The following MGMT variants were observed in gnomAD, a reference collection of about 807,000 sequenced individuals.
MGMT encodes the protein methylated-DNA--protein-cysteine methyltransferase.
In MGMT, 14 loss-of-function variants were observed where a neutral mutation model predicts 15.9. The observed-to-expected ratio is 0.88, with a 90% CI of 0.58 to 1.37. MGMT has a LOEUF of 1.37. Among genes scored for constraint, MGMT ranks in the 40% most tolerant of loss-of-function variants. MGMT has a pLI of 0.00. For synonymous variants in MGMT, 130 were observed against 118.2 expected, an observed-to-expected ratio of 1.10 and a Z score of -0.65; for missense variants, 282 against 268.1, an observed-to-expected ratio of 1.05 and a Z score of -0.36.
chr10:129,540,356 G>T (rs531852714), intron 2 of MGMT, among the ~76,000 whole-genome samples: 7 of 152,142 alleles, frequency 4.6e-5, no homozygotes, highest in Non-Finnish European at 8.8e-5. Context: ...CTTTCTGATT[G>T]TTATGCTTTA....
intron 2 of MGMT, among the ~76,000 whole-genome samples, chr10:129,661,367 C>A (rs1396572551): frequency 8.5e-5 from 13 of 152,102 alleles, no homozygotes; most frequent in Non-Finnish European, 1.9e-4. Context: ...GCCCAGACCC[C>A]CCTCATAAGG....
Position 129,770,852 on chromosome 10 carries a change from C to T in MGMT, c.*3855C>T, listed in dbSNP as rs751679751. ...GTTGCCATCGGGGCAGTGGAGTCCC[C>T]GGAAACAGTCCAAGGCCCTGGGGTG... On this transcript the variant is annotated 3_prime_UTR_variant, in exon 5 of 5. Coordinates refer to ENST00000651593, the MANE Select transcript of MGMT (RefSeq NM_002412.5). Among the ~76,000 whole-genome samples the T allele has an allele frequency of 1.4e-5, 2 of 147,038 alleles. No homozygotes were observed. Among genetic ancestry groups the T allele is most frequent in the Admixed American group, 6.9e-5 (1 of 14,566 alleles).
chr10:129,742,925 C>T (rs145418810), intron 3 of MGMT, among the ~76,000 whole-genome samples: 2 of 152,204 alleles, frequency 1.3e-5, no homozygotes, highest in Non-Finnish European at 2.9e-5. Flanking sequence ...ACCGCAGCTG[C>T]CCATGCTCAG....
chr10:129,509,577 G>C (rs12257003), intron 1 of MGMT, among the ~76,000 whole-genome samples: 2 of 152,154 alleles, frequency 1.3e-5, no homozygotes, highest in Admixed American at 1.3e-4. Context: ...TAAATCTTGA[G>C]TTAAAATTCT....
chr10:129,738,561 G>A (rs188400392), intron 3 of MGMT, among the ~76,000 whole-genome samples: 73 of 152,270 alleles, frequency 4.8e-4, no homozygotes, highest in African/African-American at 1.6e-3. Flanking sequence ...GTTCCTATTC[G>A]GCCATCTTGG....
intron 2 of MGMT, among the ~76,000 whole-genome samples, chr10:129,622,600 G>T (rs990610799): frequency 2.0e-5 from 3 of 152,198 alleles, no homozygotes; most frequent in Non-Finnish European, 4.4e-5. Flanking sequence ...ATCAATTGCT[G>T]ATCTCAGAAA....
At chr10:129,573,974 A>C (rs962170624) in intron 2 of MGMT, among the ~76,000 whole-genome samples, 1 of 152,264 alleles carries the variant, frequency 6.6e-6, no homozygotes, top group African/African-American at 2.4e-5. Context: ...GATCTAACCC[A>C]ATACTTCATA....
chr10:129,703,965 G>C (rs1478303109), intron 2 of MGMT, among the ~76,000 whole-genome samples: 1 of 152,082 alleles, frequency 6.6e-6, no homozygotes, highest in Non-Finnish European at 1.5e-5. Flanking sequence ...GTTGACAGCA[G>C]CCAGCTCTGC....
chr10:129,758,736 G>A (rs1848835555), intron 3 of MGMT, among the ~76,000 whole-genome samples: 2 of 152,206 alleles, frequency 1.3e-5, no homozygotes, highest in African/African-American at 4.8e-5. Flanking sequence ...GCTGGAGGTG[G>A]ACAGCCGGCA....
At chr10:129,562,020 T>C (rs1374519475) in intron 2 of MGMT, among the ~76,000 whole-genome samples, 1 of 152,146 alleles carries the variant, frequency 6.6e-6, no homozygotes, top group Non-Finnish European at 1.5e-5. Context: ...TAGGAACAGC[T>C]TAGCATGCAG....
At chr10:129,672,575 C>T (rs559316384) in intron 2 of MGMT, among the ~76,000 whole-genome samples, 1 of 152,294 alleles carries the variant, frequency 6.6e-6, no homozygotes, top group Admixed American at 6.5e-5. Context: ...CTTCTGATCG[C>T]TCTAACAGTT....
intron 3 of MGMT, among the ~76,000 whole-genome samples, chr10:129,730,136 C>T (rs1848479543): frequency 6.6e-6 from 1 of 152,182 alleles, no homozygotes. Context: ...ATAGGAGTTC[C>T]TGTACTGGCT....
chr10:129,644,513 C>T (rs1564746447), intron 2 of MGMT, among the ~76,000 whole-genome samples: 1 of 152,138 alleles, frequency 6.6e-6, no homozygotes, highest in Non-Finnish European at 1.5e-5. Context: ...GAAGGGGTCC[C>T]ACTGCAAAGG....
intron 2 of MGMT, among the ~76,000 whole-genome samples, chr10:129,677,542 A>C (rs1036480927): frequency 6.6e-6 from 1 of 152,126 alleles, no homozygotes; most frequent in African/African-American, 2.4e-5. Flanking sequence ...GAAAAATCCC[A>C]TGTAACCTGG....
In MGMT at chr10:129,607,553, G is replaced by A. The variant is rs565239961; in HGVS notation, c.125+71176G>A. Among the ~76,000 whole-genome samples the A allele has an allele frequency of 1.6e-4, 25 of 152,272 alleles. No homozygotes were observed. The East Asian group carries it at 1.9e-3, about 12-fold the overall frequency. ...GTGCCGCACAGCATGTCATGTCCAC[G>A]TTAGCATTTCTGCCCTTTTAAAGGG... is the stretch of plus-strand genomic sequence containing the variant. On this transcript the variant is annotated intron_variant, in intron 2 of 4. Coordinates refer to ENST00000651593, the MANE Select transcript of MGMT (RefSeq NM_002412.5).
intron 2 of MGMT, among the ~76,000 whole-genome samples, chr10:129,649,083 A>G (rs1307694116): frequency 3.3e-5 from 5 of 152,174 alleles, no homozygotes; most frequent in Non-Finnish European, 5.9e-5. Context: ...CTGCCCTTCA[A>G]TAGAACACTC....
intron 2 of MGMT, among the ~76,000 whole-genome samples, chr10:129,588,541 C>G (rs759720177): frequency 6.6e-6 from 1 of 152,282 alleles, no homozygotes; most frequent in South Asian, 2.1e-4. Context: ...CCCACTCGCA[C>G]GCATGCATCC....
At chr10:129,700,963 G>A (rs1304094836) in intron 2 of MGMT, 1 of 152,220 alleles carries the variant, frequency 6.6e-6, no homozygotes, top group Non-Finnish European at 1.5e-5. Flanking sequence ...CCCGGAGTCT[G>A]CTGCTCTGCC....
chr10:129,588,019 T>C (rs942469170), intron 2 of MGMT, among the ~76,000 whole-genome samples: 6 of 152,182 alleles, frequency 3.9e-5, no homozygotes, highest in African/African-American at 9.7e-5. Flanking sequence ...TTTGAATCTT[T>C]TGGATCATGC....
Sources: gnomAD v4.1 joint callset for allele counts (sites outside exome capture counted in the v4.1 genomes callset) on GRCh38, gnomAD v4.1.1 for gene constraint, MANE v1.5 for transcripts, NCBI Gene and HGNC (gene_info 2026-07-23, HGNC 2026-07-21) for gene names.